TNRC6A: variants seen among roughly 807,000 people sequenced by gnomAD.
The protein encoded by TNRC6A is trinucleotide repeat-containing gene 6A protein.
A neutral mutation model predicts 221.2 loss-of-function variants in TNRC6A; 44 were observed. The observed-to-expected ratio is 0.20, with a 90% CI of 0.16 to 0.26. TNRC6A has a LOEUF of 0.26. Ranked by LOEUF, TNRC6A falls within the 10% of genes least tolerant of loss-of-function variation. TNRC6A has a pLI of 1.00. For synonymous variants in TNRC6A, 847 were observed against 838.5 expected, an observed-to-expected ratio of 1.01 and a Z score of -0.18; for missense variants, 2,199 against 2,404.4, an observed-to-expected ratio of 0.91 and a Z score of 1.79.
rs1474574843 is a variant in TNRC6A, at chr16:24,804,412, T to C, written c.3837+93T>C. The C allele has an allele frequency of 8.5e-6, 12 of 1,415,280 alleles. No homozygotes were observed. In the South Asian group the frequency reaches 1.2e-4, roughly 15 times the overall value. The allele number at this position is 1,415,280 out of a possible 1,614,324, so 87.7% of individuals were successfully genotyped here. ...ATATTTTAAAACCTTTTATATAATATAAAGTGTTACAATCCACTACCAAAT... is the reference window on the plus strand; with the variant it reads ...ATATTTTAAAACCTTTTATATAATACAAAGTGTTACAATCCACTACCAAAT... On this transcript the variant is annotated intron_variant, in intron 12 of 24. Transcript: ENST00000395799.
At position 24,680,444 on chromosome 16, in the gene TNRC6A, G is replaced by A. The variant is rs1248153077; in HGVS notation, n.402+39435G>A. Among the ~76,000 whole-genome samples, 3 of 151,644 alleles carry A rather than the reference G, an allele frequency of 2.0e-5. No homozygotes were observed. In the South Asian group the frequency reaches 6.3e-4, roughly 32 times the overall value. ...TCTTAAAAAAAAAAAAGGAGGCCCG[G>A]TGCGGTGGCTCACACCTGTAATCCC... On this transcript the variant is annotated intron_variant and non_coding_transcript_variant, in intron 2 of 2. Coordinates refer to the TNRC6A transcript ENST00000566108.
intron 4 of TNRC6A, among the ~76,000 whole-genome samples, chr16:24,765,118 T>C (rs755201898): frequency 3.9e-5 from 6 of 152,172 alleles, no homozygotes; most frequent in African/African-American, 1.4e-4. Flanking sequence ...CTGAGTCATA[T>C]GGTAGTTCCA....
chr16:24,793,770 A>G, intron 7 of TNRC6A, 121 bp downstream of exon 7: 1 of 859,892 alleles, frequency 1.2e-6, no homozygotes, highest in Non-Finnish European at 1.5e-6. Context: ...ATGTAACATG[A>G]TAGATGATGT....
At chr16:24,773,626 A>G (rs1186545500) in intron 4 of TNRC6A, among the ~76,000 whole-genome samples, 1 of 152,146 alleles carries the variant, frequency 6.6e-6, no homozygotes, top group African/African-American at 2.4e-5. Context: ...TTCAAGATAC[A>G]TGGTTTTGCT....
At chr16:24,710,310 A>T (rs2056181154) in intron 2 of TNRC6A, among the ~76,000 whole-genome samples, 1 of 151,712 alleles carries the variant, frequency 6.6e-6, no homozygotes, top group South Asian at 2.1e-4. Flanking sequence ...ACAAAATAAG[A>T]GTTCATTGTT....
At position 24,793,577 on chromosome 16, in the gene TNRC6A, C is replaced by G; in HGVS notation, c.3280C>G (p.Pro1094Ala). ...AGACAGTGGTCCCAGCTGGGGGGAA[C>G]CCATTGCTGCGGCATCCAGCACATC... Reference protein sequence around the residue: ...PIDSGPSWGEPIAAASSTSTW... With the variant: ...PIDSGPSWGEAIAAASSTSTW... The change falls in exon 7 of 25, where the codon CCC (proline) becomes GCC (alanine). Residue 1094 changes from proline (P) to alanine (A), a missense_variant. Around this residue, in one of 8 missense-constraint regions of TNRC6A, gnomAD observed 1,405 missense variants for 1,400.2 expected, o/e 1.00. Coordinates refer to ENST00000395799, the MANE Select transcript of TNRC6A (RefSeq NM_014494.4). 1 of 1,566,784 alleles carries G rather than the reference C, an allele frequency of 6.4e-7. No homozygotes were observed. The highest frequency in any genetic ancestry group is 8.7e-7 in the Non-Finnish European group (1 of 1,155,384).
intron 1 of TNRC6A, among the ~76,000 whole-genome samples, chr16:24,637,558 A>G (rs1188886403): frequency 6.6e-6 from 1 of 152,192 alleles, no homozygotes; most frequent in Non-Finnish European, 1.5e-5. Context: ...AAAGTAAGGA[A>G]GGAGGAAGGG....
rs1435360465 is a variant in TNRC6A, at chr16:24,789,945, CAGA to C, written c.1306_1308del (p.Lys436del). ...TTGTGAATCTGAAGTAAGTGGTACA[CAGA>C]AGGTTTCATTCAGTGGTCAACCTCA... is the stretch of plus-strand genomic sequence containing the variant. On this transcript the variant is annotated inframe_deletion, in exon 6 of 25. Coordinates refer to ENST00000395799, the MANE Select transcript of TNRC6A (RefSeq NM_014494.4). The C allele has an allele frequency of 1.9e-6, 3 of 1,613,932 alleles. No homozygotes were observed. The highest frequency in any genetic ancestry group is 2.2e-5 in the South Asian group (2 of 91,046).
At chr16:24,644,322 T>C (rs1902163244) in intron 2 of TNRC6A, among the ~76,000 whole-genome samples, 1 of 151,576 alleles carries the variant, frequency 6.6e-6, no homozygotes, top group African/African-American at 2.4e-5. Context: ...TGAGACAGGG[T>C]CTCACTCTGT....
intron 5 of TNRC6A, chr16:24,778,330 A>G: frequency 8.1e-6 from 8 of 984,876 alleles, no homozygotes; most frequent in Non-Finnish European, 9.6e-6. Flanking sequence ...GTAATATATT[A>G]TGGTATTTCA....
intron 1 of TNRC6A, among the ~76,000 whole-genome samples, chr16:24,626,649 C>CTTTTTT (rs5816260): frequency 3.2e-5 from 4 of 126,938 alleles, no homozygotes; most frequent in Non-Finnish European, 5.0e-5. Flanking sequence ...GATACTATTT[C>CTTTTTT]TTTTTTTTTT....
At chr16:24,804,363 C>G in intron 12 of TNRC6A, 44 bp downstream of exon 12, 1 of 1,573,844 alleles carries the variant, frequency 6.4e-7, no homozygotes, top group East Asian at 2.3e-5. Context: ...AACCAGTATA[C>G]TTCATAGCGT....
chr16:24,701,358 AC>A (rs2055970350), intron 2 of TNRC6A, among the ~76,000 whole-genome samples: 1 of 99,456 alleles, frequency 1.0e-5, no homozygotes, highest in South Asian at 3.0e-4. Context: ...CACCTTACTA[AC>A]TTTTTTTTCT....
intron 3 of TNRC6A, 102 bp from the exon 4 acceptor site, chr16:24,758,236 AG>A: frequency 1.8e-6 from 2 of 1,114,568 alleles, no homozygotes; most frequent in South Asian, 2.9e-5. Flanking sequence ...TGTTTAATAA[AG>A]GTGTATATGT....
intron 1 of TNRC6A, among the ~76,000 whole-genome samples, chr16:24,624,870 G>T (rs1001524689): frequency 6.6e-6 from 1 of 152,204 alleles, no homozygotes; most frequent in East Asian, 1.9e-4. Flanking sequence ...ATCAGTCACC[G>T]AACAGAGGTC....
At chr16:24,689,328 C>T (rs1567358517) in intron 2 of TNRC6A, among the ~76,000 whole-genome samples, 3 of 152,098 alleles carry the variant, frequency 2.0e-5, no homozygotes, top group South Asian at 4.1e-4. Context: ...CTGGTGGCAG[C>T]GAGGAAGGTG....
rs963558389 is a variant in TNRC6A, at chr16:24,649,029, T to C, written n.402+8020T>C. The stretch of plus-strand genomic sequence containing the variant: ...GGTGCGGTGGCTCACGGCTGTAATC[T>C]CAACACTTTGGGGGACTGAGGCGGG... On this transcript the variant is annotated intron_variant and non_coding_transcript_variant, in intron 2 of 2. Coordinates refer to the TNRC6A transcript ENST00000566108. Among the ~76,000 whole-genome samples the C allele has an allele frequency of 8.6e-5, 13 of 152,004 alleles. No homozygotes were observed. In the East Asian group the frequency reaches 2.1e-3, roughly 25 times the overall value.
chr16:24,736,262 A>G (rs1274941240), intron 2 of TNRC6A, among the ~76,000 whole-genome samples: 7 of 152,226 alleles, frequency 4.6e-5, no homozygotes, highest in Non-Finnish European at 1.5e-5. Context: ...GTGATTATTA[A>G]TATTTTGCCA....
Position 24,820,242 on chromosome 16 carries a change from T to C in TNRC6A, c.5184T>C (p.Thr1728=). 2.5e-6 allele frequency: 4 copies of C among 1,614,164 alleles called. No homozygotes were observed. The highest frequency in any genetic ancestry group is 1.3e-5 in the African/African-American group (1 of 75,038). ...TCCCTTTGCCACCTAAAAACATCACTGCTCCGTCCCGCCCACCTCCGGGAC... is the reference window on the plus strand; with the variant it reads ...TCCCTTTGCCACCTAAAAACATCACCGCTCCGTCCCGCCCACCTCCGGGAC... ...WKVPLPPKNI[T]APSRPPPGLT... The change falls in exon 22 of 25, where the codon ACT becomes ACC. Residue 1728 remains threonine, a synonymous_variant. Coordinates refer to ENST00000395799, the MANE Select transcript of TNRC6A (RefSeq NM_014494.4).
Sources: allele counts gnomAD v4.1 joint callset (sites outside exome capture counted in the v4.1 genomes callset), GRCh38; gene constraint gnomAD v4.1.1; regional missense constraint gnomAD v4.1.1; transcripts MANE v1.5; gene names NCBI Gene and HGNC (gene_info 2026-07-23, HGNC 2026-07-21).